CSMD1: variants seen among roughly 807,000 people sequenced by gnomAD.
CSMD1 encodes the protein CUB and Sushi multiple domains 1.
CSMD1 carries 213 observed loss-of-function variants against 417.5 expected under a neutral mutation model. The observed-to-expected ratio is 0.51, with a 90% confidence interval of 0.46 to 0.57. The LOEUF (loss-of-function observed/expected upper bound fraction) is 0.57. CSMD1 is among the 20% of genes least tolerant of loss of function. The pLI, the probability that CSMD1 is intolerant of heterozygous loss-of-function variation, is 0.00. For synonymous variants in CSMD1, 2,862 were observed against 1,736.8 expected, an observed-to-expected ratio of 1.65 and a Z score of -16.11; for missense variants, 6,923 against 4,529.7, an observed-to-expected ratio of 1.53 and a Z score of -15.17.
intron 3 of CSMD1, among the ~76,000 whole-genome samples, chr8:4,399,249 T>C (rs1323113778): frequency 6.6e-6 from 1 of 152,188 alleles, no homozygotes; most frequent in Non-Finnish European, 1.5e-5. Flanking sequence ...TTGTGTGTAA[T>C]TCCTCCCCAC....
At chr8:3,352,212 T>C (rs558602452) in intron 21 of CSMD1, among the ~76,000 whole-genome samples, 1 of 152,266 alleles carries the variant, frequency 6.6e-6, no homozygotes, top group African/African-American at 2.4e-5. Flanking sequence ...TAGGATGTTT[T>C]TATGATTTTA....
intron 5 of CSMD1, among the ~76,000 whole-genome samples, chr8:3,938,300 T>C (rs1299507507): frequency 6.6e-6 from 1 of 151,808 alleles, no homozygotes; most frequent in African/African-American, 2.4e-5. Context: ...CATGCTGGAG[T>C]TCCTTAAATA....
chr8:3,814,157 C>T (rs1006038782), intron 5 of CSMD1, among the ~76,000 whole-genome samples: 6 of 152,124 alleles, frequency 3.9e-5, no homozygotes, highest in Non-Finnish European at 8.8e-5. Context: ...TTCTGGTACC[C>T]CCAGCGTGGA....
intron 3 of CSMD1, among the ~76,000 whole-genome samples, chr8:4,351,427 G>A (rs748703074): frequency 6.6e-6 from 1 of 152,198 alleles, no homozygotes. Flanking sequence ...AGTAAGGTAA[G>A]AAGAGTTACT....
intron 3 of CSMD1, among the ~76,000 whole-genome samples, chr8:4,148,483 C>G (rs1202545905): frequency 6.6e-6 from 1 of 151,862 alleles, no homozygotes; most frequent in African/African-American, 2.4e-5. Flanking sequence ...CGAACCTGCA[C>G]ATTGTGCACA....
chr8:3,866,083 G>C (rs59361691), intron 5 of CSMD1, among the ~76,000 whole-genome samples: 1 of 152,108 alleles, frequency 6.6e-6, no homozygotes, highest in East Asian at 1.9e-4. Context: ...TTCTATTCAT[G>C]AGCTTTCTTC....
chr8:3,755,936 A>C (rs1351585329), intron 5 of CSMD1, among the ~76,000 whole-genome samples: 1 of 152,042 alleles, frequency 6.6e-6, no homozygotes. Flanking sequence ...TTTTCTGGTG[A>C]GATTATGTTA....
At chr8:3,018,722 C>A in intron 51 of CSMD1, 72 bp from the exon 52 acceptor site, 2 of 1,386,618 alleles carry the variant, frequency 1.4e-6, no homozygotes, top group African/African-American at 1.5e-5. Flanking sequence ...AACAAACAAA[C>A]AAAAACAAAC....
intron 18 of CSMD1, among the ~76,000 whole-genome samples, chr8:3,379,096 A>G (rs1348568830): frequency 2.0e-5 from 3 of 152,222 alleles, no homozygotes; most frequent in African/African-American, 4.8e-5. Context: ...ATTCCTATAC[A>G]TAAATAATAG....
intron 12 of CSMD1, among the ~76,000 whole-genome samples, chr8:3,440,290 T>C (rs896847526): frequency 2.0e-5 from 3 of 152,196 alleles, no homozygotes; most frequent in Non-Finnish European, 4.4e-5. Context: ...ACATACTATA[T>C]CTCTCTACTT....
chr8:4,101,034 A>C (rs568373863), intron 3 of CSMD1, among the ~76,000 whole-genome samples: 1 of 152,294 alleles, frequency 6.6e-6, no homozygotes, highest in East Asian at 1.9e-4. Context: ...CTGTGATTGC[A>C]GAATGATGCA....
At chr8:4,961,188 T>C (rs1455973413) in intron 1 of CSMD1, among the ~76,000 whole-genome samples, 1 of 152,210 alleles carries the variant, frequency 6.6e-6, no homozygotes, top group Non-Finnish European at 1.5e-5. Flanking sequence ...ATCTTACTTT[T>C]AGAATGCATA....
rs181714491 is a variant in CSMD1, at chr8:3,271,883, C to T, written c.4153+12261G>A. Among the ~76,000 whole-genome samples the T allele has an allele frequency of 1.5e-3, 233 of 152,096 alleles. 2 individuals are homozygous for T. The Middle Eastern group carries it at 0.041, about 27-fold the overall frequency. On this transcript the variant is annotated intron_variant, in intron 26 of 69. Coordinates refer to ENST00000635120, the MANE Select transcript of CSMD1 (RefSeq NM_033225.6). ...AATTTTCTCCCATTTTGTAGGTTGCCTGTTCACTCTGATGGTAGTTTCTTT... is the reference window on the plus strand; with the variant it reads ...AATTTTCTCCCATTTTGTAGGTTGCTTGTTCACTCTGATGGTAGTTTCTTT...
At chr8:3,665,565 C>A (rs1039562423) in intron 7 of CSMD1, among the ~76,000 whole-genome samples, 1 of 152,108 alleles carries the variant, frequency 6.6e-6, no homozygotes, top group African/African-American at 2.4e-5. Flanking sequence ...TAATTAGTAT[C>A]TTGATTCCTT....
chr8:3,523,607 G>C (rs1310632379), intron 10 of CSMD1, among the ~76,000 whole-genome samples: 1 of 150,360 alleles, frequency 6.7e-6, no homozygotes, highest in South Asian at 2.1e-4. Context: ...ACATGTGCAT[G>C]TACACACACA....
chr8:4,248,987 C>A (rs1051760629), intron 3 of CSMD1, among the ~76,000 whole-genome samples: 3 of 152,080 alleles, frequency 2.0e-5, no homozygotes, highest in African/African-American at 7.2e-5. Flanking sequence ...AAAACATAAA[C>A]AAACACTAGA....
chr8:3,112,894 AGAG>A (rs1816607524), intron 42 of CSMD1: 1 of 152,262 alleles, frequency 6.6e-6, no homozygotes, highest in Non-Finnish European at 1.5e-5. Flanking sequence ...ATAGAAAAAA[AGAG>A]GACCCTAAGA....
chr8:4,258,272 T>C (rs1443160155), intron 3 of CSMD1, among the ~76,000 whole-genome samples: 3 of 126,778 alleles, frequency 2.4e-5, no homozygotes, highest in Non-Finnish European at 4.8e-5. Flanking sequence ...CCTGTCGCTG[T>C]GAGCTATTAT....
intron 1 of CSMD1, among the ~76,000 whole-genome samples, chr8:4,741,795 A>T (rs1375582591): frequency 6.6e-6 from 1 of 151,986 alleles, no homozygotes; most frequent in Non-Finnish European, 1.5e-5. Context: ...CTGCTTCTAA[A>T]CAGTGCCCTG....
Sources: gnomAD v4.1 joint callset for allele counts (sites outside exome capture counted in the v4.1 genomes callset) on GRCh38, gnomAD v4.1.1 for gene constraint, MANE v1.5 for transcripts, NCBI Gene and HGNC (gene_info 2026-07-23, HGNC 2026-07-21) for gene names.